The following SOX5 variants were observed in gnomAD, a reference collection of about 807,000 sequenced individuals.
The protein encoded by SOX5 is SRY-box transcription factor 5, also known as transcription factor SOX-5.
In SOX5, 9 loss-of-function variants were observed where a neutral mutation model predicts 92.0. That is an observed-to-expected ratio of 0.10 (90% CI 0.06 to 0.17). The LOEUF (loss-of-function observed/expected upper bound fraction) is 0.17, where lower values mean the gene tolerates loss of function less well. Among genes scored for constraint, SOX5 ranks in the 10% least tolerant of loss-of-function variants. The pLI, the probability that SOX5 is intolerant of heterozygous loss-of-function variation, is 1.00. For synonymous variants in SOX5, 344 were observed against 336.3 expected, an observed-to-expected ratio of 1.02 and a Z score of -0.25; for missense variants, 642 against 944.5, an observed-to-expected ratio of 0.68 and a Z score of 4.20.
At chr12:23,936,938 A>C (rs1942698736) in intron 1 of SOX5, among the ~76,000 whole-genome samples, 1 of 150,952 alleles carries the variant, frequency 6.6e-6, no homozygotes, top group Admixed American at 6.6e-5. Flanking sequence ...TCAAACTTTT[A>C]ATAATGATAT....
chr12:24,158,070 C>T (rs768976969), intron 4 of SOX5, among the ~76,000 whole-genome samples: 9 of 152,052 alleles, frequency 5.9e-5, no homozygotes, highest in Non-Finnish European at 8.8e-5. Context: ...AAGGCAATTT[C>T]TACCAAGGTC....
intron 7 of SOX5, among the ~76,000 whole-genome samples, chr12:23,651,673 G>A (rs549208329): frequency 6.6e-6 from 1 of 152,086 alleles, no homozygotes; most frequent in East Asian, 1.9e-4. Context: ...GGATCACTGG[G>A]GAAAGAATCA....
chr12:24,017,250 G>A (rs935700434), intron 4 of SOX5, among the ~76,000 whole-genome samples: 3 of 152,108 alleles, frequency 2.0e-5, no homozygotes, highest in African/African-American at 4.8e-5. Flanking sequence ...GACTTAACCC[G>A]ACAACCTGCC....
intron 4 of SOX5, among the ~76,000 whole-genome samples, chr12:24,030,369 T>C (rs1170898197): frequency 1.3e-5 from 2 of 151,854 alleles, no homozygotes; most frequent in Non-Finnish European, 2.9e-5. Context: ...TGGGGCATCA[T>C]AGATCCCAGA....
chr12:23,982,537 A>G (rs1360604710), intron 4 of SOX5, among the ~76,000 whole-genome samples: 2 of 152,194 alleles, frequency 1.3e-5, no homozygotes, highest in Non-Finnish European at 2.9e-5. Context: ...GAAATGCTGC[A>G]TGGTATATAA....
At chr12:23,695,006 G>A (rs2089548548) in intron 6 of SOX5, among the ~76,000 whole-genome samples, 1 of 151,740 alleles carries the variant, frequency 6.6e-6, no homozygotes, top group African/African-American at 2.4e-5. Context: ...TGTAGTCCTA[G>A]CTACTTGCAA....
chr12:23,798,266 C>T (rs2142091659), intron 3 of SOX5, among the ~76,000 whole-genome samples: 1 of 152,074 alleles, frequency 6.6e-6, no homozygotes, highest in Admixed American at 6.6e-5. Context: ...ATTCAACAAA[C>T]ATTCACTGAA....
At chr12:23,648,664 T>C (rs115557007) in intron 7 of SOX5, among the ~76,000 whole-genome samples, 4,280 of 152,170 alleles carry the variant, frequency 0.028, 198 homozygotes, top group African/African-American at 0.097. Context: ...AGAAACAACC[T>C]GCTGACACTC....
chr12:23,594,838 G>T (rs1418993522), intron 9 of SOX5, among the ~76,000 whole-genome samples: 1 of 151,926 alleles, frequency 6.6e-6, no homozygotes, highest in African/African-American at 2.4e-5. Context: ...TCACATATTA[G>T]AGTCTTTGCA....
intron 1 of SOX5, among the ~76,000 whole-genome samples, chr12:24,424,665 T>C (rs1308173113): frequency 6.6e-6 from 1 of 152,170 alleles, no homozygotes; most frequent in Non-Finnish European, 1.5e-5. Context: ...TAGTTTCCCC[T>C]CCTTTTCTGT....
At chr12:23,820,531 T>G (rs903007015) in intron 3 of SOX5, among the ~76,000 whole-genome samples, 46 of 152,228 alleles carry the variant, frequency 3.0e-4, no homozygotes, top group Non-Finnish European at 2.2e-4. Flanking sequence ...TGACTAGGTT[T>G]TCTTCTAGGG....
intron 6 of SOX5, among the ~76,000 whole-genome samples, chr12:23,723,118 A>G (rs1296596674): frequency 1.3e-5 from 2 of 152,010 alleles, no homozygotes; most frequent in African/African-American, 2.4e-5. Flanking sequence ...CGTACCCTCT[A>G]TCATGAAAAG....
intron 1 of SOX5, among the ~76,000 whole-genome samples, chr12:24,537,666 A>C (rs1263583277): frequency 1.3e-5 from 2 of 152,248 alleles, no homozygotes; most frequent in Non-Finnish European, 2.9e-5. Flanking sequence ...GCTACTGAGA[A>C]TAAATCTCTT....
intron 4 of SOX5, among the ~76,000 whole-genome samples, chr12:23,980,530 G>A (rs1482895144): frequency 2.0e-5 from 3 of 152,154 alleles, no homozygotes; most frequent in Non-Finnish European, 2.9e-5. Flanking sequence ...AAAGAATCCT[G>A]ATGCATATTT....
chr12:23,894,519 G>A lies in SOX5; in HGVS notation c.270+1274C>T, dbSNP rs150451587. ...TGGGATTACAGGTGTGAGCCACCAC[G>A]CCCGACCTAAAACATTATTCTTGGT... On this transcript the variant is annotated intron_variant, in intron 2 of 14. Coordinates refer to ENST00000451604, the MANE Select transcript of SOX5 (RefSeq NM_006940.6). 3.9e-5 allele frequency among the ~76,000 whole-genome samples: 6 copies of A among 152,034 alleles called. No homozygotes were observed. In the South Asian group the frequency reaches 8.3e-4, roughly 21 times the overall value.
intron 6 of SOX5, among the ~76,000 whole-genome samples, chr12:23,707,426 G>A (rs1192462675): frequency 2.0e-5 from 3 of 152,098 alleles, no homozygotes; most frequent in African/African-American, 7.2e-5. Context: ...GAGTTTCAGG[G>A]AACATGAGTC....
chr12:23,715,557 A>G (rs1479497760), intron 6 of SOX5, among the ~76,000 whole-genome samples: 1 of 152,180 alleles, frequency 6.6e-6, no homozygotes, highest in Admixed American at 6.5e-5. Context: ...CTCCTCAGAG[A>G]GCCCATTATT....
intron 6 of SOX5, among the ~76,000 whole-genome samples, chr12:23,696,065 G>A (rs1473658358): frequency 6.9e-6 from 1 of 144,378 alleles, no homozygotes; most frequent in Non-Finnish European, 1.5e-5. Flanking sequence ...TGCTAACATT[G>A]TAAAAAATTT....
At position 24,530,411 on chromosome 12, in the gene SOX5, A is replaced by T. The variant is rs371822774; in HGVS notation, c.-251+31918T>A. On this transcript the variant is annotated intron_variant, in intron 1 of 4. Transcript: ENST00000446891. Reference sequence around the variant, plus strand: ...GGGATATATTATGTGGGTAATAGCTACATTTATTTAAGCCATTATAAGGTG... The same window carrying T: ...GGGATATATTATGTGGGTAATAGCTTCATTTATTTAAGCCATTATAAGGTG... 1.6e-4 allele frequency among the ~76,000 whole-genome samples: 24 copies of T among 152,322 alleles called. No homozygotes were observed. In the South Asian group the frequency reaches 5.0e-3, roughly 32 times the overall value.
Sources: gnomAD v4.1 joint callset for allele counts (sites outside exome capture counted in the v4.1 genomes callset) on GRCh38, gnomAD v4.1.1 for gene constraint, MANE v1.5 for transcripts, NCBI Gene and HGNC (gene_info 2026-07-23, HGNC 2026-07-21) for gene names.